SERPINE2: variants seen among roughly 807,000 people sequenced by gnomAD.
SERPINE2 encodes serpin family E member 2.
SERPINE2 carries 14 observed loss-of-function variants against 36.3 expected under a neutral mutation model. The ratio of observed to expected loss-of-function variants is 0.39; its 90% CI spans 0.25 to 0.60. The LOEUF is 0.60. SERPINE2 is among the 20% of genes least tolerant of loss of function. The pLI is 0.57. For missense variants in SERPINE2, 418 were observed against 499.6 expected (o/e 0.84, Z 1.56); for synonymous variants, 192 against 191.8 (o/e 1.00, Z -0.01).
intron 1 of SERPINE2, among the ~76,000 whole-genome samples, chr2:224,027,234 A>G (rs1692216486): frequency 6.6e-6 from 1 of 152,176 alleles, no homozygotes; most frequent in Admixed American, 6.5e-5. Flanking sequence ...CTAATCTCGC[A>G]TAGGAGGACA....
chr2:224,014,150 A>G (rs12616221), intron 1 of SERPINE2, among the ~76,000 whole-genome samples: 144,370 of 152,216 alleles, frequency 0.95, 68,754 homozygotes, highest in Non-Finnish European at 0.99. Flanking sequence ...CAAGGTGGGT[A>G]GGTCACTTGA....
intron 1 of SERPINE2, among the ~76,000 whole-genome samples, chr2:224,011,170 T>C (rs1045823995): frequency 3.9e-5 from 6 of 152,230 alleles, no homozygotes; most frequent in African/African-American, 1.4e-4. Flanking sequence ...CTTTTTGATA[T>C]GTCTTTAAGA....
At chr2:224,001,152 G>C (rs1030101183) in intron 2 of SERPINE2, among the ~76,000 whole-genome samples, 7 of 152,210 alleles carry the variant, frequency 4.6e-5, no homozygotes, top group African/African-American at 1.4e-4. Context: ...TTGTGGGCTT[G>C]GGGAGGGGGG....
intron 1 of SERPINE2, among the ~76,000 whole-genome samples, chr2:224,010,833 T>C (rs1451023583): frequency 6.6e-6 from 1 of 152,220 alleles, no homozygotes; most frequent in Non-Finnish European, 1.5e-5. Context: ...GCTCAAGACC[T>C]GAAATACTCT....
chr2:224,032,136 T>A (rs977782308), intron 1 of SERPINE2, among the ~76,000 whole-genome samples: 6 of 152,238 alleles, frequency 3.9e-5, no homozygotes, highest in African/African-American at 1.4e-4. Context: ...ACTTCTTGAG[T>A]GGATTTCTTA....
At chr2:223,982,249 TG>T (rs1690250473) in intron 6 of SERPINE2, 2 of 153,022 alleles carry the variant, frequency 1.3e-5, no homozygotes, top group Admixed American at 1.3e-4. Flanking sequence ...TGTTCTCGCT[TG>T]TAAGTGGGAG....
At chr2:223,980,168 T>C (rs915247115) in intron 7 of SERPINE2, 143 bp downstream of exon 7, 10 of 649,950 alleles carry the variant, frequency 1.5e-5, no homozygotes, top group African/African-American at 1.5e-4. Context: ...CTGTCTGTAC[T>C]CACTGCTGTC....
In SERPINE2 at chr2:224,035,385, T is replaced by TTTTTGTTTTTTGC. The variant is rs1692500237; in HGVS notation, c.-23+3713_-23+3714insGCAAAAAACAAAA. Among the ~76,000 whole-genome samples, 5 of 91,196 alleles carry TTTTTGTTTTTTGC rather than the reference T, an allele frequency of 5.5e-5. No individual in the cohort carries two copies. In the Admixed American group the frequency reaches 6.4e-4, roughly 12 times the overall value. The allele number at this position is 91,196 out of a possible 152,430, so 59.8% of individuals were successfully genotyped here. A position where few individuals can be genotyped will look rare whatever the true frequency, so the allele number is the denominator to read the frequency against. On this transcript the variant is annotated intron_variant, in intron 1 of 8. Transcript: ENST00000409304. ...CCTATTCCAGGTTTTTTTTGTTTTG[T>TTTTTGTTTTTTGC]TTTTGTTTTTGTTTTGAGACAGAGT...
intron 2 of SERPINE2, among the ~76,000 whole-genome samples, chr2:224,001,103 G>C (rs1387529978): frequency 6.6e-6 from 1 of 152,190 alleles, no homozygotes; most frequent in Admixed American, 6.5e-5. Flanking sequence ...TCAGTCCACA[G>C]GGTGCATTCA....
At chr2:224,025,156 G>A (rs4674856) in intron 1 of SERPINE2, among the ~76,000 whole-genome samples, 16,970 of 152,144 alleles carry the variant, frequency 0.11, 1,126 homozygotes, top group East Asian at 0.28. Context: ...GAGAGCACAC[G>A]GGGGTACCCA....
intron 6 of SERPINE2, chr2:223,981,852 T>C (rs1179543453): frequency 2.0e-5 from 3 of 152,206 alleles, no homozygotes; most frequent in Non-Finnish European, 4.4e-5. Flanking sequence ...TCGTTTCATA[T>C]TAATGAGCAT....
intron 1 of SERPINE2, among the ~76,000 whole-genome samples, chr2:224,028,501 A>G (rs1692257411): frequency 6.6e-6 from 1 of 152,192 alleles, no homozygotes; most frequent in Admixed American, 6.5e-5. Flanking sequence ...GCTCAGCCAC[A>G]TGGCTTAGCC....
At chr2:224,020,404 C>T (rs551192529) in intron 1 of SERPINE2, among the ~76,000 whole-genome samples, 12 of 152,302 alleles carry the variant, frequency 7.9e-5, no homozygotes, top group African/African-American at 2.2e-4. Flanking sequence ...CAAGATAACA[C>T]CTTAGCGTTT....
chr2:224,031,765 C>T (rs977460815), intron 1 of SERPINE2, among the ~76,000 whole-genome samples: 5 of 149,272 alleles, frequency 3.3e-5, no homozygotes, highest in Admixed American at 1.3e-4. Flanking sequence ...CCCCACCCCC[C>T]CCGCCGGCTG....
intron 4 of SERPINE2, among the ~76,000 whole-genome samples, chr2:223,986,149 G>C (rs1690420946): frequency 6.6e-6 from 1 of 152,168 alleles, no homozygotes; most frequent in Non-Finnish European, 1.5e-5. Context: ...CCAAGAGAGG[G>C]AAAGAGAGTG....
chr2:223,994,871 A>T (rs528661763), intron 3 of SERPINE2, among the ~76,000 whole-genome samples: 1 of 152,266 alleles, frequency 6.6e-6, no homozygotes, highest in Non-Finnish European at 1.5e-5. Flanking sequence ...TATCACTATT[A>T]CATCTCTCCA....
chr2:224,037,391 G>A (rs1207633041), intron 1 of SERPINE2, among the ~76,000 whole-genome samples: 5 of 152,192 alleles, frequency 3.3e-5, no homozygotes, highest in African/African-American at 1.2e-4. Flanking sequence ...CTTGCGGGTT[G>A]GAGGCACTAA....
chr2:224,031,351 TGA>T (rs1692358152), intron 1 of SERPINE2: 2 of 985,292 alleles, frequency 2.0e-6, no homozygotes, highest in African/African-American at 3.5e-5. Context: ...AGCATCTAGC[TGA>T]GAGGCAGGCA....
At chr2:223,989,333 T>C (rs1338046455) in intron 4 of SERPINE2, among the ~76,000 whole-genome samples, 2 of 152,170 alleles carry the variant, frequency 1.3e-5, no homozygotes, top group Non-Finnish European at 2.9e-5. Flanking sequence ...TGAATGACAA[T>C]GTTTTGGCAA....
Sources: gnomAD v4.1 joint callset for allele counts (sites outside exome capture counted in the v4.1 genomes callset) on GRCh38, gnomAD v4.1.1 for gene constraint, MANE v1.5 for transcripts, NCBI Gene and HGNC (gene_info 2026-07-23, HGNC 2026-07-21) for gene names.